The following MS4A1 variants were observed in gnomAD, a reference collection of about 807,000 sequenced individuals.
The protein encoded by MS4A1 is B-lymphocyte antigen CD20.
In MS4A1, 16 loss-of-function variants were observed where a neutral mutation model predicts 26.5. The ratio of observed to expected loss-of-function variants is 0.60; its 90% confidence interval spans 0.41 to 0.92. The LOEUF (loss-of-function observed/expected upper bound fraction) is 0.92, where lower values mean the gene tolerates loss of function less well. Among genes scored for constraint, MS4A1 ranks in the 40% least tolerant of loss-of-function variants. The pLI, the probability that MS4A1 is intolerant of heterozygous loss-of-function variation, is 0.00. For missense variants in MS4A1, 350 were observed against 353.0 expected (o/e 0.99, Z 0.07); for synonymous variants, 128 against 117.6 (o/e 1.09, Z -0.57).
At chr11:60,464,248 C>A (rs768468956) in intron 4 of MS4A1, 40 bp from the exon 5 acceptor site, 16 of 1,326,230 alleles carry the variant, frequency 1.2e-5, no homozygotes, top group East Asian at 9.5e-5. Context: ...TCCTGTCTTG[C>A]CCACCCCCTC....
chr11:60,461,170 T>C lies in MS4A1; in HGVS notation c.-191+10T>C, dbSNP rs1211164234. On this transcript the variant is annotated intron_variant, in intron 2 of 7. Coordinates refer to ENST00000345732, the MANE Select transcript of MS4A1 (RefSeq NM_152866.3). ...CAATTAAATAAATAAGGTAATTTCCTACAGTGATCAATGCCGTAAAGCAAT... is the reference window on the plus strand; with the variant it reads ...CAATTAAATAAATAAGGTAATTTCCCACAGTGATCAATGCCGTAAAGCAAT... 2 of 151,782 alleles carry C rather than the reference T, an allele frequency of 1.3e-5. No homozygotes were observed. Among genetic ancestry groups the C allele is most frequent in the Non-Finnish European group, 2.9e-5 (2 of 68,032 alleles). 9.4% of individuals were successfully genotyped at this position (151,782 alleles called of 1,614,324 possible). A position where few individuals can be genotyped will look rare whatever the true frequency, so the allele number is the denominator to read the frequency against.
Position 60,464,355 on chromosome 11 carries a change from A to G in MS4A1, c.336+11A>G, listed in dbSNP as rs376257230. The G allele has an allele frequency of 3.7e-6, 6 of 1,612,168 alleles. No individual in the cohort carries two copies. Among genetic ancestry groups the G allele is most frequent in the African/African-American group, 2.7e-5 (2 of 74,728 alleles). ...TCCAGGAAGTGTTTGGCAAGTAACCATATGTCCTTCTTTCCCACATGTCAG... is the reference window on the plus strand; with the variant it reads ...TCCAGGAAGTGTTTGGCAAGTAACCGTATGTCCTTCTTTCCCACATGTCAG... On this transcript the variant is annotated intron_variant, in intron 5 of 7. Coordinates refer to ENST00000345732, the MANE Select transcript of MS4A1 (RefSeq NM_152866.3).
chr11:60,468,277 A>G lies in MS4A1; in HGVS notation c.703A>G (p.Lys235Glu), dbSNP rs1359715679. 4.3e-6 allele frequency: 7 copies of G among 1,613,528 alleles called. No homozygotes were observed. In the Admixed American group the frequency reaches 6.7e-5, roughly 15 times the overall value. Residue 235 changes from lysine to glutamate, a missense_variant, in exon 8 of 8, where the codon AAA (lysine) becomes GAA (glutamate). Transcript: ENST00000345732. ...CATAGTTCTCCTGTCAGCAGAAGAA[A>G]AAAAAGAACAGACTATTGAAATAAA... is the stretch of plus-strand genomic sequence containing the variant. Reference protein sequence around the residue: ...SNIVLLSAEEKKEQTIEIKEE... With the variant: ...SNIVLLSAEEEKEQTIEIKEE...
At chr11:60,467,081 C>G (rs558447578) in intron 7 of MS4A1, 21 bp downstream of exon 7, 1 of 1,569,062 alleles carries the variant, frequency 6.4e-7, no homozygotes, top group South Asian at 1.1e-5. Context: ...GCCCCTCTGG[C>G]CAAAACCTCC....
chr11:60,466,871 A>C lies in MS4A1; in HGVS notation c.574-88A>C, dbSNP rs1008238237. 3.9e-6 allele frequency: 5 copies of C among 1,271,138 alleles called. No homozygotes were observed. The African/African-American group carries it at 7.3e-5, about 19-fold the overall frequency. 78.7% of individuals were successfully genotyped at this position (1,271,138 alleles called of 1,614,324 possible). A position where few individuals can be genotyped will look rare whatever the true frequency, so the allele number is the denominator to read the frequency against. On this transcript the variant is annotated intron_variant, in intron 6 of 7. Coordinates refer to ENST00000345732, the MANE Select transcript of MS4A1 (RefSeq NM_152866.3). ...AAAGAATTGATCTCTTAATCGTTCA[A>C]TTATAGTCAACAATAACTTACTGAA...
In MS4A1 at chr11:60,462,267, G is replaced by A. The variant is rs753798659; in HGVS notation, c.-108G>A. On this transcript the variant is annotated 5_prime_UTR_variant, in exon 3 of 8. An upstream start codon of the reference 5' UTR is lost. Transcript: ENST00000345732. ...CCTCAATGACACTCATGGAGGAAAT[G>A]CTGAGAGAAGCATTCAGATGCATGA... 7 of 1,205,732 alleles carry A rather than the reference G, an allele frequency of 5.8e-6. No individual in the cohort carries two copies. Among genetic ancestry groups the A allele is most frequent in the South Asian group, 1.3e-5 (1 of 79,932 alleles). 74.7% of individuals were successfully genotyped at this position (1,205,732 alleles called of 1,614,324 possible). A position where few individuals can be genotyped will look rare whatever the true frequency, so the allele number is the denominator to read the frequency against.
In MS4A1 at chr11:60,462,557, A is replaced by C. The variant is rs375082632; in HGVS notation, c.159+24A>C. The C allele has an allele frequency of 2.5e-6, 4 of 1,613,896 alleles. No homozygotes were observed. In the African/African-American group the frequency reaches 5.3e-5, roughly 22 times the overall value. ...GGGTAAGTCAGTTGCCTTCCATCCC[A>C]TGTCGTAGGGATTCTCTGGCTGACA... On this transcript the variant is annotated intron_variant, in intron 3 of 7. Transcript: ENST00000345732.
intron 1 of MS4A1, among the ~76,000 whole-genome samples, chr11:60,456,329 A>G (rs1364855235): frequency 2.0e-5 from 3 of 152,230 alleles, no homozygotes; most frequent in Non-Finnish European, 2.9e-5. Flanking sequence ...AATGGGGGCA[A>G]TGGTACCCAT....
chr11:60,466,249 C>A, intron 6 of MS4A1, 92 bp downstream of exon 6: 1 of 1,036,018 alleles, frequency 9.7e-7, no homozygotes, highest in Admixed American at 1.7e-5. Context: ...ATCCAGACCA[C>A]CTGAGTTTGC....
rs1372431646 is a variant in MS4A1 at position 60,460,185 on chromosome 11, G to A, written c.-279-887G>A. Among the ~76,000 whole-genome samples the A allele has an allele frequency of 7.9e-5, 12 of 152,304 alleles. No homozygotes were observed. In the East Asian group the frequency reaches 2.3e-3, roughly 29 times the overall value. ...CACCTGAGCCCAGGAGGTAGAGGCT[G>A]CAGTGAGCTGTGATCATGACACTGC... On this transcript the variant is annotated intron_variant, in intron 1 of 7. Coordinates refer to ENST00000345732, the MANE Select transcript of MS4A1 (RefSeq NM_152866.3).
In MS4A1 at chr11:60,462,333, C is replaced by G; in HGVS notation, c.-42C>G. 2 of 1,611,156 alleles carry G rather than the reference C, an allele frequency of 1.2e-6. No homozygotes were observed. Among genetic ancestry groups the G allele is most frequent in the Non-Finnish European group, 1.7e-6 (2 of 1,177,436 alleles). Reference sequence around the variant, plus strand: ...CCAAAAATCTTGTTCTTGCTCTCCTCATTTTGTTATTTGTTTTATTTTTAG... The same window carrying G: ...CCAAAAATCTTGTTCTTGCTCTCCTGATTTTGTTATTTGTTTTATTTTTAG... On this transcript the variant is annotated 5_prime_UTR_variant, in exon 3 of 8. Transcript: ENST00000345732.
At chr11:60,468,165 G>C in intron 7 of MS4A1, 85 bp from the exon 8 acceptor site, 1 of 1,223,634 alleles carries the variant, frequency 8.2e-7, no homozygotes, top group Non-Finnish European at 1.2e-6. Context: ...AAAACCAGGA[G>C]GTATTTGATA....
rs35909645 is a variant in MS4A1, at chr11:60,456,882, C to T, written c.-280+937C>T. On this transcript the variant is annotated intron_variant, in intron 1 of 7. Transcript: ENST00000345732. ...CCGACCTCAGGGGATCCACCTGCCT[C>T]GGCTTCCCAAAGTGCTGGGATTACA... is the stretch of plus-strand genomic sequence containing the variant. Among the ~76,000 whole-genome samples, 33 of 152,272 alleles carry T rather than the reference C, an allele frequency of 2.2e-4. No individual in the cohort carries two copies. The East Asian group carries it at 5.0e-3, about 23-fold the overall frequency.
chr11:60,456,303 G>C (rs1216596892), intron 1 of MS4A1, among the ~76,000 whole-genome samples: 1 of 152,096 alleles, frequency 6.6e-6, no homozygotes, highest in Non-Finnish European at 1.5e-5. Flanking sequence ...TAAAGCCTCA[G>C]CTTCCTCATC....
In MS4A1 at chr11:60,458,692, A is replaced by T. The variant is rs565339214; in HGVS notation, c.-279-2380A>T. ...TAAGGCAAAATTGCGAGAATCTCCA[A>T]TCTCCGTAGGCGAGTTTTATGTATT... On this transcript the variant is annotated intron_variant, in intron 1 of 7. Coordinates refer to ENST00000345732, the MANE Select transcript of MS4A1 (RefSeq NM_152866.3). 1.4e-4 allele frequency among the ~76,000 whole-genome samples: 21 copies of T among 152,312 alleles called. No homozygotes were observed. In the South Asian group the frequency reaches 4.4e-3, roughly 32 times the overall value.
rs2086312420 is a variant in MS4A1 at position 60,468,329 on chromosome 11, C to A, written c.755C>A (p.Thr252Lys). 1.2e-6 allele frequency: 2 copies of A among 1,613,784 alleles called. No individual in the cohort carries two copies. The highest frequency in any genetic ancestry group is 8.5e-7 in the Non-Finnish European group (1 of 1,179,868). Residue 252 changes from threonine to lysine, a missense_variant, in exon 8 of 8, where the codon ACA (threonine) becomes AAA (lysine). Thr to Lys is a moderately conservative substitution (Grantham distance 78). Coordinates refer to ENST00000345732, the MANE Select transcript of MS4A1 (RefSeq NM_152866.3). The part of the protein sequence containing the change: ...IKEEVVGLTE[T>K]SSQPKNEEDI... ...GAAGAAGTGGTTGGGCTAACTGAAA[C>A]ATCTTCCCAACCAAAGAATGAAGAA...
At chr11:60,465,753 T>C (rs2086285679) in intron 5 of MS4A1, 168 bp from the exon 6 acceptor site, 1 of 629,546 alleles carries the variant, frequency 1.6e-6, no homozygotes. Context: ...GATAGAGACA[T>C]GATTTTATTT....
Position 60,468,469 on chromosome 11 carries a change from G to A in MS4A1, c.*1G>A, listed in dbSNP as rs1440930477. On this transcript the variant is annotated 3_prime_UTR_variant, in exon 8 of 8. Coordinates refer to ENST00000345732, the MANE Select transcript of MS4A1 (RefSeq NM_152866.3). ...AATAGAAAATGACAGCTCTCCTTAA[G>A]TGATTTCTTCTGTTTTCTGTTTCCT... The A allele has an allele frequency of 1.9e-6, 3 of 1,613,584 alleles. No individual in the cohort carries two copies. The highest frequency in any genetic ancestry group is 2.5e-6 in the Non-Finnish European group (3 of 1,179,524).
In MS4A1 at chr11:60,457,635, GA is replaced by G. The variant is rs1172943128; in HGVS notation, c.-280+1693del. Among the ~76,000 whole-genome samples the G allele has an allele frequency of 2.0e-5, 3 of 152,292 alleles. No homozygotes were observed. In the East Asian group the frequency reaches 5.8e-4, roughly 29 times the overall value. ...GACTGAGAGATGATGGAGCTAAAGT[GA>G]AATGTGGTCCCAACTATCTAAGCCT... is the stretch of plus-strand genomic sequence containing the variant. On this transcript the variant is annotated intron_variant, in intron 1 of 7. Coordinates refer to ENST00000345732, the MANE Select transcript of MS4A1 (RefSeq NM_152866.3).
Sources: gnomAD v4.1 joint callset for allele counts (sites outside exome capture counted in the v4.1 genomes callset) on GRCh38, gnomAD v4.1.1 for gene constraint, MANE v1.5 for transcripts, NCBI Gene and HGNC (gene_info 2026-07-23, HGNC 2026-07-21) for gene names.